Variants in ARHGAP6 observed in about 807,000 individuals in gnomAD.
ARHGAP6 encodes the protein rho GTPase-activating protein 6.
ARHGAP6 carries 16 observed loss-of-function variants against 55.7 expected under a neutral mutation model. The ratio of observed to expected loss-of-function variants is 0.29; its 90% CI spans 0.19 to 0.44. The LOEUF (loss-of-function observed/expected upper bound fraction) is 0.44, where lower values mean the gene tolerates loss of function less well. Among genes scored for constraint, ARHGAP6 ranks in the 20% least tolerant of loss-of-function variants. ARHGAP6 has a pLI of 1.00. For synonymous variants in ARHGAP6, 382 were observed against 360.9 expected, an observed-to-expected ratio of 1.06 and a Z score of -0.66; for missense variants, 698 against 808.9, an observed-to-expected ratio of 0.86 and a Z score of 1.66.
intron 1 of ARHGAP6, among the ~76,000 whole-genome samples, chrX:11,619,517 A>G (rs2052203610): frequency 2.7e-5 from 3 of 112,608 alleles, no homozygotes; most frequent in Non-Finnish European, 3.8e-5. Context: ...GACTCAATGA[A>G]AAAGGGAACC....
At chrX:11,576,858 A>G (rs1259066626) in intron 1 of ARHGAP6, among the ~76,000 whole-genome samples, 1 of 110,795 alleles carries the variant, frequency 9.0e-6, no homozygotes, top group Non-Finnish European at 1.9e-5. Context: ...CCTTCTGGAG[A>G]CTCTAGAGGA....
chrX:11,448,373 G>A (rs1339684271), intron 1 of ARHGAP6, among the ~76,000 whole-genome samples: 2 of 111,757 alleles, frequency 1.8e-5, no homozygotes, highest in Admixed American at 1.9e-4. Context: ...TGGATGGTAA[G>A]TACACTGGGG....
In ARHGAP6 at chrX:11,142,166, T is replaced by C. The variant is rs1188793610; in HGVS notation, c.2257+67A>G. On this transcript the variant is annotated intron_variant, in intron 12 of 12. Transcript: ENST00000337414. ...GTTTGACAAGCATGTAATATAATGA[T>C]AGTAAAGAAAACTTTAGAAAATAAT... 14 of 760,569 alleles carry C rather than the reference T, an allele frequency of 1.8e-5. No homozygotes were observed. In the South Asian group the frequency reaches 2.7e-4, roughly 15 times the overall value. The allele number at this position is 760,569 out of a possible 1,213,427, so 62.7% of individuals were successfully genotyped here.
At chrX:11,519,120 C>A (rs2147875220) in intron 1 of ARHGAP6, among the ~76,000 whole-genome samples, 1 of 94,578 alleles carries the variant, frequency 1.1e-5, no homozygotes, top group East Asian at 3.5e-4. Flanking sequence ...TTTATAGCAG[C>A]ATGATTTATA....
intron 1 of ARHGAP6, among the ~76,000 whole-genome samples, chrX:11,533,060 G>A (rs2051068481): frequency 9.0e-6 from 1 of 111,326 alleles, no homozygotes. Flanking sequence ...TAAAAAATTA[G>A]ATGTCCAGAG....
intron 1 of ARHGAP6, among the ~76,000 whole-genome samples, chrX:11,301,002 T>C (rs1414407445): frequency 2.7e-5 from 3 of 112,008 alleles, no homozygotes; most frequent in Non-Finnish European, 5.6e-5. Flanking sequence ...AATTTATGAA[T>C]ATGTACAATA....
At chrX:11,558,208 C>T (rs1025808730) in intron 1 of ARHGAP6, among the ~76,000 whole-genome samples, 1 of 111,626 alleles carries the variant, frequency 9.0e-6, no homozygotes, top group Non-Finnish European at 1.9e-5. Flanking sequence ...TGCTTAGTTT[C>T]CCCCAAAAGT....
chrX:11,504,210 T>G (rs1258900233), intron 1 of ARHGAP6, among the ~76,000 whole-genome samples: 1 of 112,337 alleles, frequency 8.9e-6, no homozygotes, highest in Non-Finnish European at 1.9e-5. Context: ...TCTACTTTTA[T>G]TTGTAATTAC....
intron 1 of ARHGAP6, among the ~76,000 whole-genome samples, chrX:11,337,269 A>G (rs1049934524): frequency 8.9e-6 from 1 of 111,884 alleles, no homozygotes; most frequent in African/African-American, 3.2e-5. Context: ...GTATTTTTAC[A>G]TTATATACTA....
intron 1 of ARHGAP6, among the ~76,000 whole-genome samples, chrX:11,264,235 TCAAA>T (rs2047596459): frequency 9.1e-6 from 1 of 110,407 alleles, no homozygotes; most frequent in African/African-American, 3.3e-5. Flanking sequence ...AAAAAAAAAA[TCAAA>T]CAACATAATT....
chrX:11,333,966 G>A (rs1232120714), intron 1 of ARHGAP6, among the ~76,000 whole-genome samples: 4 of 111,814 alleles, frequency 3.6e-5, no homozygotes, highest in African/African-American at 9.8e-5. Flanking sequence ...AAACCCTTTC[G>A]GAAAAGTTGG....
chrX:11,244,167 A>G (rs1437434786), intron 2 of ARHGAP6, among the ~76,000 whole-genome samples: 2 of 112,355 alleles, frequency 1.8e-5, no homozygotes, highest in African/African-American at 3.2e-5. Flanking sequence ...TGCATAAAAA[A>G]TAACAATGAA....
intron 1 of ARHGAP6, among the ~76,000 whole-genome samples, chrX:11,581,854 G>T (rs2051670402): frequency 1.8e-5 from 2 of 110,230 alleles, no homozygotes; most frequent in Admixed American, 1.9e-4. Flanking sequence ...TGTGGTGATG[G>T]GTGCACATAT....
intron 1 of ARHGAP6, among the ~76,000 whole-genome samples, chrX:11,278,468 G>A (rs1323459591): frequency 9.0e-6 from 1 of 111,686 alleles, no homozygotes; most frequent in African/African-American, 3.3e-5. Context: ...AGAGCCTCCA[G>A]AAGAAATGCA....
intron 6 of ARHGAP6, among the ~76,000 whole-genome samples, 179 bp from the exon 7 acceptor site, chrX:11,179,631 ATGTG>A (rs111989287): frequency 7.5e-5 from 8 of 106,129 alleles, no homozygotes; most frequent in African/African-American, 1.0e-4. Context: ...AGCTATGAAT[ATGTG>A]TGTGTGTGTG....
intron 1 of ARHGAP6, among the ~76,000 whole-genome samples, chrX:11,315,519 A>G (rs1252907516): frequency 8.9e-6 from 1 of 111,734 alleles, no homozygotes; most frequent in Non-Finnish European, 1.9e-5. Flanking sequence ...CCTGTTTTAG[A>G]TGATAAGTGG....
chrX:11,639,069 G>C (rs962433544), intron 1 of ARHGAP6, among the ~76,000 whole-genome samples: 1 of 111,151 alleles, frequency 9.0e-6, no homozygotes, highest in African/African-American at 3.3e-5. Context: ...AGAGTCTAAG[G>C]AATGTGAAAG....
At chrX:11,225,991 C>CCGA (rs1850353209) in intron 2 of ARHGAP6, among the ~76,000 whole-genome samples, 2 of 108,864 alleles carry the variant, frequency 1.8e-5, no homozygotes, top group South Asian at 7.9e-4. Context: ...TCAGTTGGCC[C>CCGA]CGAGAGTTTC....
intron 1 of ARHGAP6, among the ~76,000 whole-genome samples, chrX:11,355,396 T>C (rs112589149): frequency 4.4e-4 from 49 of 112,088 alleles, no homozygotes; most frequent in African/African-American, 1.6e-3. Context: ...TTGAAATCCA[T>C]GAAAGAAACT....
Sources: gnomAD v4.1 joint callset for allele counts (sites outside exome capture counted in the v4.1 genomes callset) on GRCh38, gnomAD v4.1.1 for gene constraint, MANE v1.5 for transcripts, NCBI Gene and HGNC (gene_info 2026-07-23, HGNC 2026-07-21) for gene names.